The following ATP2A3 variants were observed in gnomAD, a reference collection of about 807,000 sequenced individuals.
The protein encoded by ATP2A3 is ATPase sarcoplasmic/endoplasmic reticulum Ca2+ transporting 3.
Under a neutral mutation model 106.8 loss-of-function variants are expected in ATP2A3, and 61 were observed. The observed-to-expected ratio is 0.57, with a 90% CI of 0.46 to 0.71. ATP2A3 has a LOEUF of 0.71. Among genes scored for constraint, ATP2A3 ranks in the 30% least tolerant of loss-of-function variants. ATP2A3 has a pLI of 0.00. For synonymous variants in ATP2A3, 611 were observed against 609.3 expected (o/e 1.00, Z -0.04); for missense variants, 1,201 against 1,423.5 (o/e 0.84, Z 2.52).
In ATP2A3 at chr17:3,925,289, G is replaced by A. The variant is rs1041138145; in HGVS notation, c.*133C>T. ...GCCCGGGGATGGCCATTCTGACCTC[G>A]GGCCTGTCATTTATCCGGCGGGACC... On this transcript the variant is annotated 3_prime_UTR_variant, in exon 21 of 21. Transcript: ENST00000397041. The surrounding 1 kb of genome is among the most constrained non-coding windows in gnomAD (Gnocchi z 4.2). 7.3e-6 allele frequency: 11 copies of A among 1,501,274 alleles called. No homozygotes were observed. The highest frequency in any genetic ancestry group is 2.7e-5 in the African/African-American group (2 of 72,882). The allele number at this position is 1,501,274 out of a possible 1,614,324, so 93.0% of individuals were successfully genotyped here.
At position 3,924,332 on chromosome 17, in the gene ATP2A3, G is replaced by C. The variant is rs1038259835; in HGVS notation, c.*1090C>G. ...ATCAGAGGCCATCTTCCTCTCATCTGATATGACGTGTTCCTCCAGCAGGGA... is the reference window on the plus strand; with the variant it reads ...ATCAGAGGCCATCTTCCTCTCATCTCATATGACGTGTTCCTCCAGCAGGGA... On this transcript the variant is annotated 3_prime_UTR_variant, in exon 21 of 21. Coordinates refer to ENST00000397041, the MANE Select transcript of ATP2A3 (RefSeq NM_005173.4). The surrounding 1 kb of genome is among the most constrained non-coding windows in gnomAD (Gnocchi z 6.4). The C allele has an allele frequency of 4.8e-5, 8 of 168,392 alleles. No individual in the cohort carries two copies. The highest frequency in any genetic ancestry group is 9.0e-5 in the Non-Finnish European group (7 of 77,762). 10.4% of individuals were successfully genotyped at this position (168,392 alleles called of 1,614,324 possible). A position where few individuals can be genotyped will look rare whatever the true frequency, so the allele number is the denominator to read the frequency against.
At chr17:3,935,365 T>C in intron 16 of ATP2A3, 88 bp from the exon 17 acceptor site, 2 of 1,287,146 alleles carry the variant, frequency 1.6e-6, no homozygotes, top group Non-Finnish European at 1.1e-6. Context: ...CTGAATTCCC[T>C]GCAGGGAGCC....
intron 4 of ATP2A3, 73 bp from the exon 5 acceptor site, chr17:3,951,462 C>T: frequency 6.2e-7 from 1 of 1,608,250 alleles, no homozygotes; most frequent in Non-Finnish European, 8.5e-7. Flanking sequence ...AGTGACTCCT[C>T]TGGGGCCTGG....
At chr17:3,941,979 G>T (rs951693284) in intron 12 of ATP2A3, among the ~76,000 whole-genome samples, 1 of 152,182 alleles carries the variant, frequency 6.6e-6, no homozygotes, top group African/African-American at 2.4e-5. Context: ...TCCCCTGCAG[G>T]CCCTGCTTCC....
At position 3,928,361 on chromosome 17, in the gene ATP2A3, A is replaced by G. The variant is rs777875289; in HGVS notation, c.2980+302T>C. 2 of 1,589,716 alleles carry G rather than the reference A, an allele frequency of 1.3e-6. No homozygotes were observed. The highest frequency in any genetic ancestry group is 1.7e-6 in the Non-Finnish European group (2 of 1,160,950). On this transcript the variant is annotated intron_variant, in intron 20 of 20. Coordinates refer to ENST00000397041, the MANE Select transcript of ATP2A3 (RefSeq NM_005173.4). This position sits in a 1 kb window ranked among gnomAD's most constrained non-coding sequence, Gnocchi z 6.1. Reference sequence around the variant, plus strand: ...AGAGGGGTCAGAGGCTGAGGCCCAGAAGAGCACACAGTGCCCTGGCCATGT... The same window carrying G: ...AGAGGGGTCAGAGGCTGAGGCCCAGGAGAGCACACAGTGCCCTGGCCATGT...
chr17:3,952,242 G>A (rs12452634), intron 3 of ATP2A3, among the ~76,000 whole-genome samples: 3 of 152,054 alleles, frequency 2.0e-5, no homozygotes, highest in Non-Finnish European at 2.9e-5. Context: ...GCACCACCAC[G>A]CCTGGCTAAT....
Position 3,942,633 on chromosome 17 carries a change from A to G in ATP2A3, c.1518T>C (p.Thr506=), listed in dbSNP as rs17846889. The change falls in exon 12 of 21, where the codon ACT becomes ACC. Residue 506 remains threonine, a synonymous_variant. Transcript: ENST00000397041. ...TCACAAACATCTTGCTGCCCTGGCCAGTAGGGTGAGGGCGGGTGGGCGTGC... is the reference window on the plus strand; with the variant it reads ...TCACAAACATCTTGCTGCCCTGGCCGGTAGGGTGAGGGCGGGTGGGCGTGC... The part of the protein sequence containing the change: ...VYCTPTRPHP[T]GQGSKMFVKG... The G allele has an allele frequency of 0.43, 692,801 of 1,612,064 alleles. 154,439 individuals are homozygous for G. Among genetic ancestry groups the G allele is most frequent in the African/African-American group, 0.56 (42,324 of 74,950 alleles).
rs1385406743 is a variant in ATP2A3, at chr17:3,924,678, G to A, written c.*744C>T. Reference sequence around the variant, plus strand: ...AGGACGGGGAACCCTGAGTCCAGGAGGCGCGCGGGGCTGAGGCAGTCCAGC... The same window carrying A: ...AGGACGGGGAACCCTGAGTCCAGGAAGCGCGCGGGGCTGAGGCAGTCCAGC... On this transcript the variant is annotated 3_prime_UTR_variant, in exon 21 of 21. Transcript: ENST00000397041. The surrounding 1 kb of genome is among the most constrained non-coding windows in gnomAD (Gnocchi z 6.4). 4 of 446,418 alleles carry A rather than the reference G, an allele frequency of 9.0e-6. No homozygotes were observed. In the East Asian group the frequency reaches 2.1e-4, roughly 23 times the overall value. The allele number at this position is 446,418 out of a possible 1,614,324, so 27.7% of individuals were successfully genotyped here.
rs2052721459 is a variant in ATP2A3, at chr17:3,926,662, C to T, written c.2981-1221G>A. On this transcript the variant is annotated intron_variant, in intron 20 of 20. Transcript: ENST00000397041. This position sits in a 1 kb window ranked among gnomAD's most constrained non-coding sequence, Gnocchi z 4.6. ...TCAGCTCACTGCAACCTCCACCTCC[C>T]AGGTTCAAGTGATTCTCCTGCCTCA... Among the ~76,000 whole-genome samples the T allele has an allele frequency of 2.0e-5, 3 of 152,170 alleles. No homozygotes were observed. The highest frequency in any genetic ancestry group is 7.2e-5 in the African/African-American group (3 of 41,426).
rs1354215003 is a variant in ATP2A3 at position 3,958,887 on chromosome 17, C to CACACAT, written c.119-5178_119-5177insATGTGT. On this transcript the variant is annotated intron_variant, in intron 1 of 20. Transcript: ENST00000397041. ...ATATATATACACACACACACACACA[C>CACACAT]ATATATATATATTGTTTTTTTTCAG... is the stretch of plus-strand genomic sequence containing the variant. 2.0e-5 allele frequency among the ~76,000 whole-genome samples: 2 copies of CACACAT among 99,896 alleles called. 1 individual carries two copies. The highest frequency in any genetic ancestry group is 4.0e-5 in the Non-Finnish European group (2 of 50,356). 65.5% of individuals were successfully genotyped at this position (99,896 alleles called of 152,430 possible). A position where few individuals can be genotyped will look rare whatever the true frequency, so the allele number is the denominator to read the frequency against.
At position 3,932,809 on chromosome 17, in the gene ATP2A3, G is replaced by A. The variant is rs111233968; in HGVS notation, c.2611-2375C>T. On this transcript the variant is annotated intron_variant, in intron 17 of 20. Coordinates refer to ENST00000397041, the MANE Select transcript of ATP2A3 (RefSeq NM_005173.4). ...ACCTGACTCTACCCACCCAGTGACCGAGAGGACCAAATCCTCCTGCCAATT... is the reference window on the plus strand; with the variant it reads ...ACCTGACTCTACCCACCCAGTGACCAAGAGGACCAAATCCTCCTGCCAATT... Among the ~76,000 whole-genome samples, 5 of 151,768 alleles carry A rather than the reference G, an allele frequency of 3.3e-5. 1 individual carries two copies. Among genetic ancestry groups the A allele is most frequent in the Admixed American group, 1.3e-4 (2 of 15,290 alleles).
rs2054038945 is a variant in ATP2A3 at position 3,945,142 on chromosome 17, C to A, written c.1102G>T (p.Val368Leu). 3 of 1,547,802 alleles carry A rather than the reference C, an allele frequency of 1.9e-6. No homozygotes were observed. The highest frequency in any genetic ancestry group is 1.7e-6 in the Non-Finnish European group (2 of 1,145,826). ...TNQMSVCRMF[V>L]VAEADAGSCL... is the part of the protein sequence containing the mutation. The stretch of plus-strand genomic sequence containing the variant: ...GAGCCCGCATCGGCCTCGGCTACCA[C>A]GAACATCTGGGGAGCGCAGGGGCGT... The change falls in exon 9 of 21, where the codon GTG becomes TTG. Residue 368 changes from valine (V) to leucine (L), a missense_variant. Around this residue, in one of 2 missense-constraint regions of ATP2A3, gnomAD observed 935 missense variants for 1,176.7 expected, o/e 0.79. Transcript: ENST00000397041.
rs1359928249 is a variant in ATP2A3, at chr17:3,929,986, T to C, written c.2744+315A>G. ...CCAATCCTGGACCTCTCTTGACCCC[T>C]AGACCCCAGTCTGGGATGCTCTTGA... On this transcript the variant is annotated intron_variant, in intron 18 of 20. Coordinates refer to ENST00000397041, the MANE Select transcript of ATP2A3 (RefSeq NM_005173.4). The surrounding 1 kb of genome is among the most constrained non-coding windows in gnomAD (Gnocchi z 4.3). 8.8e-5 allele frequency among the ~76,000 whole-genome samples: 6 copies of C among 68,444 alleles called. No homozygotes were observed. The East Asian group carries it at 2.6e-3, about 29-fold the overall frequency. The allele number at this position is 68,444 out of a possible 152,430, so 44.9% of individuals were successfully genotyped here.
In ATP2A3 at chr17:3,925,954, C is replaced by T. The variant is rs985746332; in HGVS notation, c.2981-513G>A. The stretch of plus-strand genomic sequence containing the variant: ...AAAAGCCGAAATCCAGTCCCAACAC[C>T]CCATTTCATGGTTCCTCACTGTCCT... On this transcript the variant is annotated intron_variant, in intron 20 of 20. Coordinates refer to ENST00000397041, the MANE Select transcript of ATP2A3 (RefSeq NM_005173.4). The surrounding 1 kb of genome is among the most constrained non-coding windows in gnomAD (Gnocchi z 4.2). Among the ~76,000 whole-genome samples, 28 of 151,964 alleles carry T rather than the reference C, an allele frequency of 1.8e-4. No homozygotes were observed. The highest frequency in any genetic ancestry group is 6.5e-4 in the African/African-American group (27 of 41,360).
rs2080100191 is a variant in ATP2A3 at position 3,945,152 on chromosome 17, G to A, written c.1096-4C>T. ...CGGCCTCGGCTACCACGAACATCTG[G>A]GGAGCGCAGGGGCGTGCTTAGGCGG... On this transcript the variant is annotated splice_region_variant and splice_polypyrimidine_tract_variant and intron_variant, in intron 8 of 20. Transcript: ENST00000397041. The A allele has an allele frequency of 6.5e-7, 1 of 1,546,444 alleles. No individual in the cohort carries two copies. Among genetic ancestry groups the A allele is most frequent in the Non-Finnish European group, 8.7e-7 (1 of 1,144,994 alleles).
rs2052662354 is a variant in ATP2A3, at chr17:3,925,585, C to T, written c.2981-144G>A. 3 of 1,049,454 alleles carry T rather than the reference C, an allele frequency of 2.9e-6. No individual in the cohort carries two copies. Among genetic ancestry groups the T allele is most frequent in the Non-Finnish European group, 2.8e-6 (2 of 706,184 alleles). 65.0% of individuals were successfully genotyped at this position (1,049,454 alleles called of 1,614,324 possible). A position where few individuals can be genotyped will look rare whatever the true frequency, so the allele number is the denominator to read the frequency against. The stretch of plus-strand genomic sequence containing the variant: ...CTCCCTTAGTCCAGACCTCAGTCTA[C>T]CCCAGCCCCACCGGACCCCCCAAGC... On this transcript the variant is annotated intron_variant, in intron 20 of 20. Coordinates refer to ENST00000397041, the MANE Select transcript of ATP2A3 (RefSeq NM_005173.4). The surrounding 1 kb of genome is among the most constrained non-coding windows in gnomAD (Gnocchi z 4.2).
In ATP2A3 at chr17:3,930,527, G is replaced by T. The variant is rs1011232227; in HGVS notation, c.2611-93C>A. 1.3e-6 allele frequency: 2 copies of T among 1,547,988 alleles called. No homozygotes were observed. Among genetic ancestry groups the T allele is most frequent in the Non-Finnish European group, 1.8e-6 (2 of 1,141,762 alleles). On this transcript the variant is annotated intron_variant, in intron 17 of 20. Coordinates refer to ENST00000397041, the MANE Select transcript of ATP2A3 (RefSeq NM_005173.4). The surrounding 1 kb of genome is among the most constrained non-coding windows in gnomAD (Gnocchi z 5.4). ...AAGCCTCATCCTGCCCTTGGCCCAC[G>T]CCTGGGCACAACCAGCACACAAAAC...
Position 3,950,565 on chromosome 17 carries a change from C to T in ATP2A3, c.576G>A (p.Glu192=), listed in dbSNP as rs757791361. 1.1e-5 allele frequency: 18 copies of T among 1,614,146 alleles called. No homozygotes were observed. In the Admixed American group the frequency reaches 2.2e-4, roughly 19 times the overall value. ...TCACAGCTCTGGGGTCTGGGATGGC[C>T]TCTGTGTGCTTGGTCACGGACACAG... The part of the protein sequence containing the change: ...GESVSVTKHT[E]AIPDPRAVNQ... Residue 192 remains glutamate, a synonymous_variant, in exon 7 of 21, where the codon GAG becomes GAA. Coordinates refer to ENST00000397041, the MANE Select transcript of ATP2A3 (RefSeq NM_005173.4).
Position 3,928,305 on chromosome 17 carries a change from G to C in ATP2A3, c.2980+358C>G. 1 of 1,613,204 alleles carries C rather than the reference G, an allele frequency of 6.2e-7. No homozygotes were observed. Among genetic ancestry groups the C allele is most frequent in the Non-Finnish European group, 8.5e-7 (1 of 1,180,016 alleles). ...TACTCCAGGCCTGCGAGACTGTCCT[G>C]AGAAGGCCTGGATAAAGACAGGCTG... On this transcript the variant is annotated intron_variant, in intron 20 of 20. Transcript: ENST00000397041. This position sits in a 1 kb window ranked among gnomAD's most constrained non-coding sequence, Gnocchi z 6.1.
Sources: allele counts gnomAD v4.1 joint callset (sites outside exome capture counted in the v4.1 genomes callset), GRCh38; gene constraint gnomAD v4.1.1; regional missense constraint gnomAD v4.1.1; non-coding constraint Gnocchi (gnomAD v3.1); transcripts MANE v1.5; gene names NCBI Gene and HGNC (gene_info 2026-07-23, HGNC 2026-07-21).